Variants in GIPC2 observed in about 807,000 individuals in gnomAD.
GIPC2 encodes the protein PDZ domain-containing protein GIPC2.
A neutral mutation model predicts 30.6 loss-of-function variants in GIPC2; 30 were observed. The observed-to-expected ratio is 0.98, with a 90% CI of 0.73 to 1.33. The LOEUF is 1.33. GIPC2 is among the 40% of genes most tolerant of loss of function. The pLI is 0.00. For missense variants in GIPC2, 414 were observed against 390.3 expected, an observed-to-expected ratio of 1.06 and a Z score of -0.51; for synonymous variants, 167 against 150.0, an observed-to-expected ratio of 1.11 and a Z score of -0.83.
chr1:78,134,554 T>C (rs1049244549), intron 5 of GIPC2, among the ~76,000 whole-genome samples: 4 of 152,074 alleles, frequency 2.6e-5, no homozygotes, highest in Admixed American at 6.6e-5. Context: ...CTCTACTAGT[T>C]CACTGCACCC....
chr1:78,117,333 G>T (rs892659999), intron 3 of GIPC2, among the ~76,000 whole-genome samples: 2 of 152,196 alleles, frequency 1.3e-5, no homozygotes, highest in Non-Finnish European at 2.9e-5. Context: ...GGAGTGCTCA[G>T]TTGTCTCCGG....
chr1:78,063,537 G>C (rs1661445197), intron 1 of GIPC2, among the ~76,000 whole-genome samples: 1 of 151,028 alleles, frequency 6.6e-6, no homozygotes, highest in Non-Finnish European at 1.5e-5. Context: ...ACATGAAGCA[G>C]TTGCTTGTAT....
In GIPC2 at chr1:78,107,147, T is replaced by TCCCTTGCTCTCC. The variant is rs1340618645; in HGVS notation, c.607+12025_607+12036dup. ...CCTTTTCTTTCCCTCCTTCCCTCTC[T>TCCCTTGCTCTCC]CCCTTGCTCTCCCCCTTGCTCCCTC... is the stretch of plus-strand genomic sequence containing the variant. On this transcript the variant is annotated intron_variant, in intron 3 of 5. Coordinates refer to ENST00000370759, the MANE Select transcript of GIPC2 (RefSeq NM_017655.6). Among the ~76,000 whole-genome samples the TCCCTTGCTCTCC allele has an allele frequency of 5.4e-5, 8 of 147,830 alleles. No homozygotes were observed. In the East Asian group the frequency reaches 1.3e-3, roughly 24 times the overall value.
rs71590709 is a variant in GIPC2 at position 78,100,941 on chromosome 1, TACACAC to T, written c.607+5845_607+5850del. Among the ~76,000 whole-genome samples the T allele has an allele frequency of 2.3e-3, 261 of 114,840 alleles. 3 individuals carry two copies. Among genetic ancestry groups the T allele is most frequent in the Middle Eastern group, 8.3e-3 (2 of 240 alleles). 75.3% of individuals were successfully genotyped at this position (114,840 alleles called of 152,430 possible). A position where few individuals can be genotyped will look rare whatever the true frequency, so the allele number is the denominator to read the frequency against. Reference sequence around the variant, plus strand: ...TGAGACCCTGTCAAAAAAAAAAAAATACACACACACACACACACACACACACACACA... The same window carrying T: ...TGAGACCCTGTCAAAAAAAAAAAAATACACACACACACACACACACACACA... On this transcript the variant is annotated intron_variant, in intron 3 of 5. Coordinates refer to ENST00000370759, the MANE Select transcript of GIPC2 (RefSeq NM_017655.6).
intron 4 of GIPC2, among the ~76,000 whole-genome samples, chr1:78,122,400 A>G (rs1035132146): frequency 6.6e-6 from 1 of 152,222 alleles, no homozygotes. Flanking sequence ...ACTGCTGTAA[A>G]GAATACCTGA....
Position 78,047,064 on chromosome 1 carries a change from A to T in GIPC2, c.240+730A>T, listed in dbSNP as rs550232374. On this transcript the variant is annotated intron_variant, in intron 1 of 5. Transcript: ENST00000370759. ...GCTCTTTTACATCGTATCCTTAAAA[A>T]GGGACTGAAATTTGCTTTAATTAGA... Among the ~76,000 whole-genome samples, 9 of 152,366 alleles carry T rather than the reference A, an allele frequency of 5.9e-5. No homozygotes were observed. The South Asian group carries it at 1.7e-3, about 28-fold the overall frequency.
Position 78,134,178 on chromosome 1 carries a change from T to G in GIPC2, c.797-1414T>G, listed in dbSNP as rs546107345. Among the ~76,000 whole-genome samples, 29 of 152,302 alleles carry G rather than the reference T, an allele frequency of 1.9e-4. No individual in the cohort carries two copies. The South Asian group carries it at 6.0e-3, about 32-fold the overall frequency. On this transcript the variant is annotated intron_variant, in intron 5 of 5. Coordinates refer to ENST00000370759, the MANE Select transcript of GIPC2 (RefSeq NM_017655.6). ...CATGTATGCATTTATGTCTGTATTTTTATAACACCTCAATTGGAGATATAT... is the reference window on the plus strand; with the variant it reads ...CATGTATGCATTTATGTCTGTATTTGTATAACACCTCAATTGGAGATATAT...
intron 1 of GIPC2, among the ~76,000 whole-genome samples, chr1:78,075,236 G>T (rs1416137273): frequency 6.6e-6 from 1 of 152,094 alleles, no homozygotes; most frequent in Non-Finnish European, 1.5e-5. Flanking sequence ...CAGGAGGATC[G>T]CTTAGGCCCA....
intron 3 of GIPC2, among the ~76,000 whole-genome samples, chr1:78,099,592 C>T (rs1426660243): frequency 6.6e-6 from 1 of 151,932 alleles, no homozygotes; most frequent in African/African-American, 2.4e-5. Context: ...GCACGTGCCA[C>T]CGTGCTCGGC....
chr1:78,056,602 A>G (rs1244478473), intron 1 of GIPC2, among the ~76,000 whole-genome samples: 1 of 152,200 alleles, frequency 6.6e-6, no homozygotes, highest in Admixed American at 6.5e-5. Context: ...TTCTTCCCTC[A>G]TTAACAAAAT....
intron 3 of GIPC2, among the ~76,000 whole-genome samples, chr1:78,113,927 G>A (rs944720259): frequency 4.6e-5 from 7 of 150,544 alleles, no homozygotes; most frequent in Admixed American, 4.6e-4. Context: ...CATCAACCTA[G>A]TTTTCATAGC....
intron 5 of GIPC2, among the ~76,000 whole-genome samples, chr1:78,131,005 TAAGAA>T (rs1662883853): frequency 6.6e-6 from 1 of 152,124 alleles, no homozygotes; most frequent in African/African-American, 2.4e-5. Flanking sequence ...TCTTTACAGT[TAAGAA>T]AATTCTTTTT....
chr1:78,060,351 C>T (rs1002601354), intron 1 of GIPC2, among the ~76,000 whole-genome samples: 7 of 152,054 alleles, frequency 4.6e-5, no homozygotes, highest in Admixed American at 2.0e-4. Context: ...TGCCATGTTG[C>T]CTAGGCTGGT....
At chr1:78,060,735 A>G (rs1391999699) in intron 1 of GIPC2, among the ~76,000 whole-genome samples, 2 of 151,978 alleles carry the variant, frequency 1.3e-5, no homozygotes, top group African/African-American at 4.8e-5. Flanking sequence ...GTAAACATCC[A>G]AAAGATGTGG....
chr1:78,073,061 G>A lies in GIPC2; in HGVS notation c.241-7614G>A, dbSNP rs373628641. The stretch of plus-strand genomic sequence containing the variant: ...CCTGACCTTGTGATCCGCCTGCCTC[G>A]GCCTCCCAAAGTGTTAGGATCACAG... On this transcript the variant is annotated intron_variant, in intron 1 of 5. Coordinates refer to ENST00000370759, the MANE Select transcript of GIPC2 (RefSeq NM_017655.6). Among the ~76,000 whole-genome samples, 178 of 148,192 alleles carry A rather than the reference G, an allele frequency of 1.2e-3. 3 individuals carry two copies. In the South Asian group the frequency reaches 0.033, roughly 28 times the overall value.
At chr1:78,068,475 C>T (rs1661561246) in intron 1 of GIPC2, among the ~76,000 whole-genome samples, 1 of 152,224 alleles carries the variant, frequency 6.6e-6, no homozygotes. Flanking sequence ...GTCTTAGTCT[C>T]AGCATCTTGA....
At chr1:78,111,824 A>G (rs1216891004) in intron 3 of GIPC2, among the ~76,000 whole-genome samples, 2 of 152,256 alleles carry the variant, frequency 1.3e-5, no homozygotes, top group Non-Finnish European at 1.5e-5. Flanking sequence ...CCTCAAGTTC[A>G]CACAACTTGC....
intron 2 of GIPC2, chr1:78,088,935 C>G (rs1661987330): frequency 6.6e-6 from 1 of 151,986 alleles, no homozygotes; most frequent in South Asian, 2.1e-4. Flanking sequence ...TTAGAGATAA[C>G]CAATTTTATT....
intron 2 of GIPC2, among the ~76,000 whole-genome samples, chr1:78,084,538 C>T (rs917427146): frequency 1.3e-5 from 2 of 151,252 alleles, no homozygotes; most frequent in Admixed American, 1.3e-4. Flanking sequence ...ATTACGAACT[C>T]GTAACGATGC....
Sources: gnomAD v4.1 joint callset for allele counts (sites outside exome capture counted in the v4.1 genomes callset) on GRCh38, gnomAD v4.1.1 for gene constraint, MANE v1.5 for transcripts, NCBI Gene and HGNC (gene_info 2026-07-23, HGNC 2026-07-21) for gene names.